Variants in GPHN observed in about 807,000 individuals in gnomAD.
GPHN encodes the protein gephyrin.
In GPHN, 17 loss-of-function variants were observed where a neutral mutation model predicts 95.5. That is an observed-to-expected ratio of 0.18 (90% confidence interval 0.12 to 0.27). The LOEUF is 0.27. GPHN is among the 10% of genes least tolerant of loss of function. The pLI is 1.00. For synonymous variants in GPHN, 320 were observed against 322.5 expected (o/e 0.99, Z 0.08); for missense variants, 660 against 978.1 (o/e 0.67, Z 4.34).
intron 11 of GPHN, among the ~76,000 whole-genome samples, chr14:67,070,715 A>AAAAAAAAATATATATAT: frequency 1.2e-5 from 1 of 80,704 alleles, no homozygotes; most frequent in African/African-American, 1.3e-4. Flanking sequence ...AAAAAAAAAA[A>AAAAAAAAATATATATAT]ATATATATAT....
chr14:66,785,831 G>A (rs751208739), intron 3 of GPHN, among the ~76,000 whole-genome samples: 135 of 149,842 alleles, frequency 9.0e-4, no homozygotes, highest in Non-Finnish European at 1.7e-3. Flanking sequence ...TGTCTCAAAT[G>A]AAATTTTAAA....
chr14:66,913,329 T>C (rs2065759776), intron 5 of GPHN, among the ~76,000 whole-genome samples: 2 of 151,980 alleles, frequency 1.3e-5, no homozygotes, highest in Non-Finnish European at 2.9e-5. Context: ...ACTGCCCTTC[T>C]TTTTGATTTT....
At chr14:66,970,413 C>T (rs934454160) in intron 9 of GPHN, among the ~76,000 whole-genome samples, 4 of 152,156 alleles carry the variant, frequency 2.6e-5, no homozygotes, top group African/African-American at 9.7e-5. Flanking sequence ...AATGGCACTG[C>T]TGATTCTATA....
intron 2 of GPHN, among the ~76,000 whole-genome samples, chr14:66,769,646 G>A (rs953546091): frequency 1.3e-5 from 2 of 152,072 alleles, no homozygotes; most frequent in African/African-American, 4.8e-5. Context: ...TCCCTGCAAA[G>A]GACATTATCT....
chr14:67,208,570 G>A, the GPHN span: 6 of 1,052,790 alleles, frequency 5.7e-6, no homozygotes, highest in South Asian at 1.7e-5. Context: ...CAGATGTAGT[G>A]TAACTGAATG....
intron 1 of GPHN, among the ~76,000 whole-genome samples, chr14:66,636,682 C>T (rs1317505621): frequency 1.3e-5 from 2 of 152,016 alleles, no homozygotes; most frequent in Non-Finnish European, 2.9e-5. Flanking sequence ...CACACACATA[C>T]ACAATATTGT....
the GPHN span, chr14:67,227,451 A>G: frequency 6.6e-6 from 1 of 151,752 alleles, no homozygotes; most frequent in South Asian, 2.1e-4. Flanking sequence ...AAAAAAAAAA[A>G]AAAAGAAAAA....
At chr14:67,729,289 C>G in the GPHN span, 1 of 1,604,550 alleles carries the variant, frequency 6.2e-7, no homozygotes, top group Non-Finnish European at 8.5e-7. Context: ...GCTCTTCTCC[C>G]CCTTTGTCAA....
At chr14:67,132,203 T>C (rs773985136) in intron 17 of GPHN, among the ~76,000 whole-genome samples, 12 of 152,228 alleles carry the variant, frequency 7.9e-5, no homozygotes, top group Non-Finnish European at 1.3e-4. Context: ...ATTATCAAGA[T>C]AGACTTAACA....
chr14:67,343,483 A>ATCAT, the GPHN span: 1 of 1,337,818 alleles, frequency 7.5e-7, no homozygotes, highest in South Asian at 1.2e-5. Context: ...AGTCTTCCTA[A>ATCAT]TCATTCCCTG....
rs577585275 is a variant in GPHN at position 66,722,100 on chromosome 14, TAAAC to T, written c.143+40919_143+40922del. 3.6e-3 allele frequency among the ~76,000 whole-genome samples: 550 copies of T among 152,066 alleles called. 10 individuals carry two copies. The highest frequency in any genetic ancestry group is 0.013 in the African/African-American group (524 of 41,532). On this transcript the variant is annotated intron_variant, in intron 2 of 22. Transcript: ENST00000478722. ...GTATTGTTTATTACTTTATTACTTA[TAAAC>T]AAAGTAATAAAATATTTTATAAGCA... is the stretch of plus-strand genomic sequence containing the variant.
chr14:67,086,355 T>C (rs1334502848), intron 11 of GPHN, among the ~76,000 whole-genome samples: 1 of 152,224 alleles, frequency 6.6e-6, no homozygotes, highest in African/African-American at 2.4e-5. Flanking sequence ...GGTGGTAGTA[T>C]GGCTGAAAAG....
chr14:67,373,615 C>T, the GPHN span, among the ~76,000 whole-genome samples: 2 of 152,176 alleles, frequency 1.3e-5, no homozygotes, highest in Admixed American at 1.3e-4. Flanking sequence ...TTGCCAGGCA[C>T]AGGTTTGTAG....
chr14:67,253,968 T>G, the GPHN span, among the ~76,000 whole-genome samples: 84 of 151,418 alleles, frequency 5.5e-4, no homozygotes, highest in Non-Finnish European at 8.7e-4. Flanking sequence ...GTTTTGTTTT[T>G]TTTTTTCCAT....
chr14:67,392,995 G>A, the GPHN span: 1 of 864,782 alleles, frequency 1.2e-6, no homozygotes, highest in Non-Finnish European at 1.9e-6. Context: ...GCTGCATAGA[G>A]CCGTGGCTGC....
chr14:66,823,206 T>C (rs1365175379), intron 3 of GPHN: 1 of 152,230 alleles, frequency 6.6e-6, no homozygotes, highest in Non-Finnish European at 1.5e-5. Context: ...TTTGCCATGT[T>C]GGCCAGGCTG....
At chr14:67,642,978 T>C in the GPHN span, among the ~76,000 whole-genome samples, 4 of 151,988 alleles carry the variant, frequency 2.6e-5, no homozygotes, top group African/African-American at 9.7e-5. Flanking sequence ...CATTTTTGTA[T>C]TTCTTGTAGA....
the GPHN span, chr14:67,365,011 A>G: frequency 6.3e-7 from 1 of 1,581,028 alleles, no homozygotes; most frequent in Middle Eastern, 1.7e-4. Context: ...AGAAAAAGGT[A>G]AGTGAGAAAA....
chr14:67,437,844 G>C, the GPHN span, among the ~76,000 whole-genome samples: 2 of 152,146 alleles, frequency 1.3e-5, no homozygotes, highest in South Asian at 4.1e-4. Context: ...GACAAAGAAG[G>C]GGGGTTGGGA....
Sources: gnomAD v4.1 joint callset for allele counts (sites outside exome capture counted in the v4.1 genomes callset) on GRCh38, gnomAD v4.1.1 for gene constraint, MANE v1.5 for transcripts, NCBI Gene and HGNC (gene_info 2026-07-23, HGNC 2026-07-21) for gene names.